Variants in GNAL observed in about 807,000 individuals in gnomAD.
GNAL encodes guanine nucleotide-binding protein G(olf) subunit alpha.
In GNAL, 18 loss-of-function variants were observed where a neutral mutation model predicts 55.1. The observed-to-expected ratio is 0.33, with a 90% CI of 0.23 to 0.48. The LOEUF is 0.48. Among genes scored for constraint, GNAL ranks in the 20% least tolerant of loss-of-function variants. The pLI, the probability that GNAL is intolerant of heterozygous loss-of-function variation, is 0.99. For synonymous variants in GNAL, 253 were observed against 237.0 expected, an observed-to-expected ratio of 1.07 and a Z score of -0.62; for missense variants, 412 against 614.1, an observed-to-expected ratio of 0.67 and a Z score of 3.48.
Position 11,884,730 on chromosome 18 carries a change from A to T in GNAL, c.*3595A>T. 14 of 1,344,350 alleles carry T rather than the reference A, an allele frequency of 1.0e-5. No individual in the cohort carries two copies. Among genetic ancestry groups the T allele is most frequent in the Admixed American group, 2.2e-5 (1 of 46,322 alleles). 83.3% of individuals were successfully genotyped at this position (1,344,350 alleles called of 1,614,324 possible). On this transcript the variant is annotated 3_prime_UTR_variant, in exon 12 of 12. Transcript: ENST00000334049. ...AAGACTGCCTTCTCAGGTCCCCCTC[A>T]GGTGAGGCAGGGAACGGGCCCTCCT...
At chr18:11,838,849 A>T (rs113839928) in intron 5 of GNAL, among the ~76,000 whole-genome samples, 31 of 152,344 alleles carry the variant, frequency 2.0e-4, no homozygotes, top group African/African-American at 5.5e-4. Context: ...AAAATACAGT[A>T]CCCATACTGA....
intron 4 of GNAL, among the ~76,000 whole-genome samples, chr18:11,775,282 C>T (rs1392586451): frequency 6.6e-6 from 1 of 152,236 alleles, no homozygotes; most frequent in Non-Finnish European, 1.5e-5. Flanking sequence ...GAGGGTTTCT[C>T]TGCAGAGTCC....
At chr18:11,753,057 A>T in intron 2 of GNAL, 132 bp downstream of exon 2, 1 of 586,346 alleles carries the variant, frequency 1.7e-6, no homozygotes, top group East Asian at 2.9e-5. Flanking sequence ...AAAAAATTAG[A>T]TATTTGCTGT....
At chr18:11,880,888 A>T in intron 11 of GNAL, 101 bp from the exon 12 acceptor site, 1 of 1,234,056 alleles carries the variant, frequency 8.1e-7, no homozygotes, top group Non-Finnish European at 1.1e-6. Context: ...CAAGCAGGCC[A>T]CTGTCACCAA....
chr18:11,806,797 T>C (rs1194521466), intron 4 of GNAL, among the ~76,000 whole-genome samples: 3 of 152,032 alleles, frequency 2.0e-5, no homozygotes, highest in Non-Finnish European at 4.4e-5. Flanking sequence ...AATGATTTGT[T>C]CTCATCATTT....
intron 5 of GNAL, among the ~76,000 whole-genome samples, chr18:11,861,793 G>A (rs924257798): frequency 3.9e-5 from 6 of 152,142 alleles, no homozygotes; most frequent in South Asian, 2.1e-4. Context: ...ACCAACAGGC[G>A]TCGCCAGGTT....
At chr18:11,810,068 G>A (rs1428448825) in intron 4 of GNAL, among the ~76,000 whole-genome samples, 2 of 152,208 alleles carry the variant, frequency 1.3e-5, no homozygotes, top group Non-Finnish European at 2.9e-5. Flanking sequence ...GCTAGGGGCT[G>A]CACCTTCTCA....
intron 5 of GNAL, among the ~76,000 whole-genome samples, chr18:11,850,387 C>G (rs2035830913): frequency 6.6e-6 from 1 of 152,206 alleles, no homozygotes; most frequent in Non-Finnish European, 1.5e-5. Context: ...AAAATGATCT[C>G]TAAACAGAAT....
At chr18:11,690,703 T>C (rs2031220885) in intron 1 of GNAL, among the ~76,000 whole-genome samples, 1 of 148,688 alleles carries the variant, frequency 6.7e-6, no homozygotes, top group South Asian at 2.1e-4. Context: ...AGTGAGAATA[T>C]GCGGTGTTTG....
chr18:11,861,337 C>T (rs1005225014), intron 5 of GNAL, among the ~76,000 whole-genome samples: 4 of 152,250 alleles, frequency 2.6e-5, no homozygotes, highest in Admixed American at 2.0e-4. Context: ...TTAACCCATT[C>T]CCAGTGCTTG....
At chr18:11,746,206 G>A (rs2032684590) in intron 1 of GNAL, 2 of 537,042 alleles carry the variant, frequency 3.7e-6, no homozygotes, top group South Asian at 2.8e-5. Flanking sequence ...TATCATCACT[G>A]TAGGTACAAC....
At position 11,865,199 on chromosome 18, in the gene GNAL, C is replaced by T. The variant is rs539379328; in HGVS notation, c.851+593C>T. Among the ~76,000 whole-genome samples the T allele has an allele frequency of 1.1e-3, 161 of 142,602 alleles. 2 individuals carry two copies. Among genetic ancestry groups the T allele is most frequent in the Admixed American group, 1.9e-3 (27 of 14,336 alleles). The allele number at this position is 142,602 out of a possible 152,430, so 93.6% of individuals were successfully genotyped here. A position where few individuals can be genotyped will look rare whatever the true frequency, so the allele number is the denominator to read the frequency against. ...CCACGAAATGAATCTTCCTACGGCA[C>T]GGCCTGGATCGTGCTGTTCCTCTGC... is the stretch of plus-strand genomic sequence containing the variant. On this transcript the variant is annotated intron_variant, in intron 7 of 11. Transcript: ENST00000334049.
chr18:11,817,813 T>A (rs1194128888), intron 4 of GNAL, among the ~76,000 whole-genome samples: 1 of 151,764 alleles, frequency 6.6e-6, no homozygotes, highest in African/African-American at 2.4e-5. Flanking sequence ...GGTCTCGAAC[T>A]CCTGGGCTCT....
chr18:11,759,816 C>T (rs749498953), intron 4 of GNAL, among the ~76,000 whole-genome samples: 11 of 152,204 alleles, frequency 7.2e-5, no homozygotes, highest in African/African-American at 1.7e-4. Flanking sequence ...CAGATTCTTC[C>T]GCACAATATC....
At chr18:11,793,299 G>A (rs1344526343) in intron 4 of GNAL, among the ~76,000 whole-genome samples, 1 of 152,154 alleles carries the variant, frequency 6.6e-6, no homozygotes, top group Admixed American at 6.5e-5. Context: ...TTTTTGCTTG[G>A]GTGCAGTGGC....
At chr18:11,775,128 G>T (rs1220562788) in intron 4 of GNAL, among the ~76,000 whole-genome samples, 3 of 152,188 alleles carry the variant, frequency 2.0e-5, no homozygotes, top group African/African-American at 7.2e-5. Flanking sequence ...ACTGAAGACA[G>T]CCTTTCTGTC....
At chr18:11,851,812 G>C in intron 5 of GNAL, 1 of 1,613,962 alleles carries the variant, frequency 6.2e-7, no homozygotes, top group African/African-American at 1.3e-5. Flanking sequence ...GTCGATGGAT[G>C]CGACATTGAA....
chr18:11,748,280 T>C (rs1028232854), intron 1 of GNAL, among the ~76,000 whole-genome samples: 2 of 152,178 alleles, frequency 1.3e-5, no homozygotes, highest in African/African-American at 4.8e-5. Flanking sequence ...ATGCAGGTAA[T>C]AGTGCGAATG....
At chr18:11,719,132 T>C (rs1034529472) in intron 1 of GNAL, among the ~76,000 whole-genome samples, 8 of 152,134 alleles carry the variant, frequency 5.3e-5, no homozygotes, top group Non-Finnish European at 7.3e-5. Flanking sequence ...CTATATATTC[T>C]CCAAACATCA....
Sources: allele counts gnomAD v4.1 joint callset (sites outside exome capture counted in the v4.1 genomes callset), GRCh38; gene constraint gnomAD v4.1.1; transcripts MANE v1.5; gene names NCBI Gene and HGNC (gene_info 2026-07-23, HGNC 2026-07-21).